ATF7IP: variants seen among roughly 807,000 people sequenced by gnomAD.
The protein encoded by ATF7IP is activating transcription factor 7-interacting protein 1.
Under a neutral mutation model 106.4 loss-of-function variants are expected in ATF7IP, and 23 were observed. That is an observed-to-expected ratio of 0.22 (90% confidence interval 0.16 to 0.31). The LOEUF (loss-of-function observed/expected upper bound fraction) is 0.31. Among genes scored for constraint, ATF7IP ranks in the 10% least tolerant of loss-of-function variants. The pLI, the probability that ATF7IP is intolerant of heterozygous loss-of-function variation, is 1.00. For missense variants in ATF7IP, 1,334 were observed against 1,524.3 expected (o/e 0.88, Z 2.08); for synonymous variants, 542 against 539.0 (o/e 1.01, Z -0.08).
At chr12:14,384,275 G>C (rs1939119120) in intron 1 of ATF7IP, among the ~76,000 whole-genome samples, 1 of 152,178 alleles carries the variant, frequency 6.6e-6, no homozygotes, top group South Asian at 2.1e-4. Flanking sequence ...GAGGAAGAGA[G>C]AAAGAAAATG....
At chr12:14,381,552 T>C (rs1939002296) in intron 1 of ATF7IP, among the ~76,000 whole-genome samples, 1 of 152,140 alleles carries the variant, frequency 6.6e-6, no homozygotes, top group Non-Finnish European at 1.5e-5. Flanking sequence ...TTTTTCAGCT[T>C]CCCAAATCTT....
intron 1 of ATF7IP, among the ~76,000 whole-genome samples, chr12:14,414,493 G>T (rs949647137): frequency 6.6e-6 from 1 of 152,134 alleles, no homozygotes; most frequent in East Asian, 1.9e-4. Context: ...ATCTGCTATC[G>T]TTAACGTATT....
intron 10 of ATF7IP, among the ~76,000 whole-genome samples, chr12:14,473,814 T>G (rs1181287806): frequency 6.6e-6 from 1 of 151,990 alleles, no homozygotes; most frequent in Non-Finnish European, 1.5e-5. Flanking sequence ...AGGTTTTTTT[T>G]TTTTTAAATT....
At chr12:14,376,729 C>T (rs140782975) in intron 1 of ATF7IP, among the ~76,000 whole-genome samples, 3 of 152,216 alleles carry the variant, frequency 2.0e-5, no homozygotes, top group African/African-American at 7.2e-5. Flanking sequence ...CTCTTCAAAG[C>T]TTGGAATCTA....
intron 3 of ATF7IP, among the ~76,000 whole-genome samples, chr12:14,435,678 C>T (rs1022999758): frequency 2.0e-5 from 3 of 151,890 alleles, no homozygotes; most frequent in Non-Finnish European, 2.9e-5. Flanking sequence ...CCTATACTTA[C>T]GGAGGAAAAA....
At chr12:14,394,760 G>A (rs1280946887) in intron 1 of ATF7IP, 2 of 152,228 alleles carry the variant, frequency 1.3e-5, no homozygotes, top group African/African-American at 2.4e-5. Context: ...GTGAAATAGT[G>A]AGAAGCTATA....
At chr12:14,368,201 G>T (rs1373987571) in intron 1 of ATF7IP, among the ~76,000 whole-genome samples, 1 of 151,952 alleles carries the variant, frequency 6.6e-6, no homozygotes, top group Non-Finnish European at 1.5e-5. Context: ...AAAGGTATTG[G>T]TGATTTGTGA....
chr12:14,379,944 T>C (rs927424571), intron 1 of ATF7IP, among the ~76,000 whole-genome samples: 2 of 152,122 alleles, frequency 1.3e-5, no homozygotes, highest in African/African-American at 4.8e-5. Context: ...ATTCTTGCCC[T>C]TCAACTCTGG....
intron 1 of ATF7IP, among the ~76,000 whole-genome samples, chr12:14,379,308 C>T (rs1938904371): frequency 6.6e-6 from 1 of 152,112 alleles, no homozygotes; most frequent in African/African-American, 2.4e-5. Context: ...TTGTAAATTT[C>T]CTGAGCCCCC....
intron 13 of ATF7IP, among the ~76,000 whole-genome samples, chr12:14,489,750 G>C (rs546018441): frequency 6.6e-6 from 1 of 152,284 alleles, no homozygotes; most frequent in South Asian, 2.1e-4. Context: ...GGTAAGACCA[G>C]TGAATTCCAT....
At chr12:14,486,859 C>T (rs922654326) in intron 13 of ATF7IP, among the ~76,000 whole-genome samples, 12 of 151,996 alleles carry the variant, frequency 7.9e-5, no homozygotes, top group African/African-American at 1.9e-4. Context: ...CATACAGAGA[C>T]GAGCAATTAG....
chr12:14,485,026 C>T (rs770851173), intron 13 of ATF7IP, among the ~76,000 whole-genome samples: 4 of 152,046 alleles, frequency 2.6e-5, no homozygotes, highest in Admixed American at 6.6e-5. Flanking sequence ...GGGCCTTGCT[C>T]CAAAATCCTG....
chr12:14,407,729 C>G (rs1458093272), intron 1 of ATF7IP, among the ~76,000 whole-genome samples: 4 of 151,982 alleles, frequency 2.6e-5, no homozygotes, highest in Admixed American at 1.3e-4. Context: ...TTACTTGACA[C>G]AATCTTAAGA....
chr12:14,499,086 TCC>T lies in ATF7IP; in HGVS notation c.*1014_*1015del, dbSNP rs1310305516. ...GTCTTGAACTCCTGACCTCAGGTGA[TCC>T]ACCCGCCTCGGCCTCCCAGAGTGCT... On this transcript the variant is annotated 3_prime_UTR_variant, in exon 15 of 15. Transcript: ENST00000261168. The T allele has an allele frequency of 6.6e-6, 1 of 152,162 alleles. No individual in the cohort carries two copies. Among genetic ancestry groups the T allele is most frequent in the Non-Finnish European group, 1.5e-5 (1 of 68,060 alleles). The allele number at this position is 152,162 out of a possible 1,614,324, so 9.4% of individuals were successfully genotyped here.
chr12:14,436,007 C>T, intron 3 of ATF7IP, 99 bp from the exon 4 acceptor site: 3 of 1,218,946 alleles, frequency 2.5e-6, no homozygotes, highest in Non-Finnish European at 3.4e-6. Context: ...GTTGAGAAGG[C>T]TATTATGATA....
chr12:14,424,633 G>T lies in ATF7IP; in HGVS notation c.718G>T (p.Ala240Ser). ...ASSEITSVDL[A>S]SGAPASTDPA... ...TAGTGAAATAACTTCTGTTGATCTGGCTTCTGGAGCACCAGCTTCCACTGA... is the reference window on the plus strand; with the variant it reads ...TAGTGAAATAACTTCTGTTGATCTGTCTTCTGGAGCACCAGCTTCCACTGA... The change falls in exon 2 of 15, where the codon GCT becomes TCT. Residue 240 changes from alanine to serine, a missense_variant. Ala to Ser is a moderately conservative substitution (Grantham distance 99, BLOSUM62 1). Around this residue, in one of 10 missense-constraint regions of ATF7IP, gnomAD observed 438 missense variants for 405.3 expected, o/e 1.08. Coordinates refer to ENST00000261168, the MANE Select transcript of ATF7IP (RefSeq NM_018179.5). The T allele has an allele frequency of 6.2e-7, 1 of 1,614,022 alleles. No individual in the cohort carries two copies. Among genetic ancestry groups the T allele is most frequent in the South Asian group, 1.1e-5 (1 of 91,078 alleles).
chr12:14,469,247 C>G (rs1253569772), intron 10 of ATF7IP, among the ~76,000 whole-genome samples: 2 of 151,410 alleles, frequency 1.3e-5, no homozygotes, highest in East Asian at 3.9e-4. Context: ...GTAATCCCAG[C>G]TACTTGGGAG....
At position 14,457,181 on chromosome 12, in the gene ATF7IP, T is replaced by C. The variant is rs774648735; in HGVS notation, c.2070-26T>C. On this transcript the variant is annotated intron_variant, in intron 7 of 14. Coordinates refer to ENST00000261168, the MANE Select transcript of ATF7IP (RefSeq NM_018179.5). ...TTCCCTGAGTGGCATATCTATTGAC[T>C]ATTGGTGTGTATATGTATTTCATAG... is the stretch of plus-strand genomic sequence containing the variant. The C allele has an allele frequency of 3.2e-6, 5 of 1,567,250 alleles. No homozygotes were observed. In the South Asian group the frequency reaches 5.6e-5, roughly 18 times the overall value.
chr12:14,454,410 G>T (rs1009054052), intron 6 of ATF7IP, among the ~76,000 whole-genome samples: 3 of 152,176 alleles, frequency 2.0e-5, no homozygotes, highest in Non-Finnish European at 4.4e-5. Flanking sequence ...GGCATCCGAA[G>T]TGCCATAGTC....
Sources: allele counts gnomAD v4.1 joint callset (sites outside exome capture counted in the v4.1 genomes callset), GRCh38; gene constraint gnomAD v4.1.1; regional missense constraint gnomAD v4.1.1; transcripts MANE v1.5; gene names NCBI Gene and HGNC (gene_info 2026-07-23, HGNC 2026-07-21).